Variants in XRRA1 observed in about 807,000 individuals in gnomAD.
XRRA1 encodes X-ray radiation resistance-associated protein 1.
Under a neutral mutation model 80.2 loss-of-function variants are expected in XRRA1, and 69 were observed. The observed-to-expected ratio is 0.86, with a 90% CI of 0.71 to 1.05. The LOEUF is 1.05. Among genes scored for constraint, XRRA1 ranks in the 50% least tolerant of loss-of-function variants. The pLI is 0.00. For synonymous variants in XRRA1, 348 were observed against 389.9 expected, an observed-to-expected ratio of 0.89 and a Z score of 1.27; for missense variants, 967 against 976.4, an observed-to-expected ratio of 0.99 and a Z score of 0.13.
At chr11:74,851,066 A>G in intron 14 of XRRA1, 22 bp downstream of exon 14, 1 of 1,589,034 alleles carries the variant, frequency 6.3e-7, no homozygotes, top group Non-Finnish European at 8.6e-7. Flanking sequence ...TGGGGGTGGG[A>G]GTCCTGCCTT....
intron 10 of XRRA1, among the ~76,000 whole-genome samples, chr11:74,870,245 A>C (rs778998960): frequency 1.3e-5 from 2 of 152,108 alleles, no homozygotes; most frequent in Non-Finnish European, 2.9e-5. Flanking sequence ...GTTTCAAACC[A>C]GTTTCCTTTC....
At position 74,844,297 on chromosome 11, in the gene XRRA1, G is replaced by A. The variant is rs763115211; in HGVS notation, c.1928-14C>T. 1 of 1,602,584 alleles carries A rather than the reference G, an allele frequency of 6.2e-7. No homozygotes were observed. The highest frequency in any genetic ancestry group is 1.1e-5 in the South Asian group (1 of 90,582). On this transcript the variant is annotated splice_polypyrimidine_tract_variant and intron_variant, in intron 16 of 18. Transcript: ENST00000684022. The stretch of plus-strand genomic sequence containing the variant: ...TCTTCTGGATTCCTAGGGCAAGAAG[G>A]CAAGACTGAGTCAAGGCACTTCCCC...
intron 4 of XRRA1, among the ~76,000 whole-genome samples, chr11:74,934,951 C>T (rs1313251318): frequency 6.6e-6 from 1 of 152,104 alleles, no homozygotes; most frequent in African/African-American, 2.4e-5. Context: ...TTCCTAATAA[C>T]CACTACTCCT....
At chr11:74,942,180 G>A (rs185137264) in intron 2 of XRRA1, among the ~76,000 whole-genome samples, 10 of 152,198 alleles carry the variant, frequency 6.6e-5, no homozygotes, top group East Asian at 5.8e-4. Context: ...TAGGAGAACC[G>A]GGGGGTGGAG....
At chr11:74,866,666 AAAATC>A (rs1565268221) in intron 10 of XRRA1, among the ~76,000 whole-genome samples, 1 of 151,858 alleles carries the variant, frequency 6.6e-6, no homozygotes, top group African/African-American at 2.4e-5. Flanking sequence ...AAAAAAAAAA[AAAATC>A]AAAGAAATCC....
intron 10 of XRRA1, among the ~76,000 whole-genome samples, chr11:74,866,173 CAT>C: frequency 6.6e-6 from 1 of 152,266 alleles, no homozygotes; most frequent in South Asian, 2.1e-4. Flanking sequence ...AGAGATCAAA[CAT>C]AAAGTAATAG....
intron 12 of XRRA1, among the ~76,000 whole-genome samples, chr11:74,853,871 G>A (rs955860587): frequency 6.6e-6 from 1 of 152,158 alleles, no homozygotes; most frequent in Non-Finnish European, 1.5e-5. Context: ...GGCTGGAAAT[G>A]CAAGTAGGGG....
At chr11:74,940,978 C>A in intron 2 of XRRA1, 96 bp from the exon 3 acceptor site, 1 of 876,010 alleles carries the variant, frequency 1.1e-6, no homozygotes, top group South Asian at 1.5e-5. Flanking sequence ...ACCAGGACCA[C>A]CACACCCGCA....
chr11:74,893,801 T>C (rs1433173541), intron 10 of XRRA1, among the ~76,000 whole-genome samples: 1 of 152,214 alleles, frequency 6.6e-6, no homozygotes, highest in Non-Finnish European at 1.5e-5. Context: ...CTGGTGGAAA[T>C]ATAAATTAGT....
intron 10 of XRRA1, among the ~76,000 whole-genome samples, chr11:74,885,101 A>G (rs1218071990): frequency 1.3e-5 from 2 of 152,058 alleles, no homozygotes; most frequent in Non-Finnish European, 2.9e-5. Flanking sequence ...TTGTCTCTAC[A>G]AAATATCAAA....
At chr11:74,847,660 C>G (rs561219138) in intron 15 of XRRA1, among the ~76,000 whole-genome samples, 2 of 152,262 alleles carry the variant, frequency 1.3e-5, no homozygotes, top group East Asian at 3.9e-4. Flanking sequence ...CTCTGGGATT[C>G]CCTCAGTCTC....
chr11:74,936,077 C>G (rs1424928145), intron 4 of XRRA1, among the ~76,000 whole-genome samples: 1 of 152,126 alleles, frequency 6.6e-6, no homozygotes, highest in Non-Finnish European at 1.5e-5. Context: ...ATGCAGGCAC[C>G]CATCTCTTGG....
intron 10 of XRRA1, among the ~76,000 whole-genome samples, chr11:74,887,438 G>A (rs911211482): frequency 2.0e-5 from 3 of 151,306 alleles, no homozygotes; most frequent in Non-Finnish European, 1.5e-5. Flanking sequence ...AAGACATAGT[G>A]GGGTGGAGCC....
intron 3 of XRRA1, among the ~76,000 whole-genome samples, chr11:74,939,284 G>A (rs1046921847): frequency 1.3e-5 from 2 of 152,156 alleles, no homozygotes; most frequent in African/African-American, 2.4e-5. Flanking sequence ...CCTGGGAGGT[G>A]AAGGTTGCAG....
intron 8 of XRRA1, among the ~76,000 whole-genome samples, chr11:74,908,939 G>A (rs977295021): frequency 5.9e-5 from 9 of 152,214 alleles, no homozygotes. Context: ...AAAGAAAAAT[G>A]TGGCAAGTCA....
chr11:74,880,027 T>C (rs1211194963), intron 10 of XRRA1, among the ~76,000 whole-genome samples: 1 of 152,032 alleles, frequency 6.6e-6, no homozygotes. Context: ...TTGGAATAGT[T>C]TCAGAAGGAA....
At chr11:74,920,245 T>C (rs1387733364) in intron 8 of XRRA1, among the ~76,000 whole-genome samples, 1 of 152,212 alleles carries the variant, frequency 6.6e-6, no homozygotes, top group East Asian at 1.9e-4. Context: ...CACTTTGAAT[T>C]GGACTTCTGT....
At chr11:74,886,312 G>A (rs780350215) in intron 10 of XRRA1, among the ~76,000 whole-genome samples, 3 of 152,074 alleles carry the variant, frequency 2.0e-5, no homozygotes, top group African/African-American at 7.2e-5. Context: ...CCTAGGAAAC[G>A]CCATAGTCTC....
chr11:74,915,211 C>T (rs778941099), intron 8 of XRRA1, among the ~76,000 whole-genome samples: 6 of 152,092 alleles, frequency 3.9e-5, no homozygotes, highest in Non-Finnish European at 7.4e-5. Context: ...TACTGATTCA[C>T]GGGCAGTGGC....
Sources: allele counts gnomAD v4.1 joint callset (sites outside exome capture counted in the v4.1 genomes callset), GRCh38; gene constraint gnomAD v4.1.1; transcripts MANE v1.5; gene names NCBI Gene and HGNC (gene_info 2026-07-23, HGNC 2026-07-21).